Variants in DGKH observed in about 807,000 individuals in gnomAD.
DGKH encodes diacylglycerol kinase eta, also known as DAG kinase eta.
In DGKH, 90 loss-of-function variants were observed where a neutral mutation model predicts 159.3. The ratio of observed to expected loss-of-function variants is 0.57; its 90% CI spans 0.48 to 0.67. DGKH has a LOEUF of 0.67. Ranked by LOEUF, DGKH falls within the 30% of genes least tolerant of loss-of-function variation. The probability of loss-of-function intolerance (pLI) is 0.00; values close to 1 mark genes in which losing one functional copy is unlikely to be tolerated. For synonymous variants in DGKH, 536 were observed against 553.8 expected (o/e 0.97, Z 0.45); for missense variants, 1,181 against 1,506.1 (o/e 0.78, Z 3.57).
At chr13:42,228,573 T>C (rs1019422456) in intron 29 of DGKH, among the ~76,000 whole-genome samples, 4 of 151,224 alleles carry the variant, frequency 2.6e-5, no homozygotes, top group African/African-American at 7.3e-5. Context: ...CCGCATCATT[T>C]TTTTCTCAGA....
At chr13:42,079,474 A>G (rs574744203) in intron 1 of DGKH, among the ~76,000 whole-genome samples, 68 of 152,044 alleles carry the variant, frequency 4.5e-4, no homozygotes, top group Non-Finnish European at 8.4e-4. Context: ...TCGCCCCTCC[A>G]AGCCTCCGTT....
chr13:42,043,011 G>C (rs935832594), intron 1 of DGKH, among the ~76,000 whole-genome samples: 3 of 152,156 alleles, frequency 2.0e-5, no homozygotes, highest in African/African-American at 4.8e-5. Context: ...AGGGGAAAAG[G>C]GGGTGGAGAG....
chr13:42,140,345 G>C (rs527886511), intron 3 of DGKH: 1 of 152,732 alleles, frequency 6.5e-6, no homozygotes, highest in African/African-American at 2.4e-5. Flanking sequence ...GCTGCCTCCT[G>C]GTCTTGGGGC....
At chr13:42,149,178 G>A (rs1282780114) in intron 3 of DGKH, among the ~76,000 whole-genome samples, 4 of 151,938 alleles carry the variant, frequency 2.6e-5, no homozygotes, top group Non-Finnish European at 5.9e-5. Flanking sequence ...GTCTTCCCAC[G>A]TTGGCCTCCT....
chr13:42,105,167 A>G (rs1954723975), intron 1 of DGKH, among the ~76,000 whole-genome samples: 1 of 152,174 alleles, frequency 6.6e-6, no homozygotes, highest in Admixed American at 6.5e-5. Flanking sequence ...GAGGCTGGGA[A>G]GTCCAGTATC....
At chr13:42,226,188 G>GA (rs1481384854) in intron 29 of DGKH, among the ~76,000 whole-genome samples, 1 of 151,882 alleles carries the variant, frequency 6.6e-6, no homozygotes, top group Admixed American at 6.6e-5. Flanking sequence ...ACAAACATAT[G>GA]AAAAAAAAGT....
In DGKH at chr13:42,174,182, G is replaced by T. The variant is rs767502385; in HGVS notation, c.1452+38G>T. ...CCTTTACCTATCATTTGAAATGGGGGTGGATATCTTGAGAAAAAAAAAAGA... is the reference window on the plus strand; with the variant it reads ...CCTTTACCTATCATTTGAAATGGGGTTGGATATCTTGAGAAAAAAAAAAGA... On this transcript the variant is annotated intron_variant, in intron 12 of 29. Coordinates refer to ENST00000337343, the MANE Select transcript of DGKH (RefSeq NM_178009.5). 4.8e-6 allele frequency: 7 copies of T among 1,463,574 alleles called. 1 individual carries two copies. In the South Asian group the frequency reaches 8.4e-5, roughly 18 times the overall value. The allele number at this position is 1,463,574 out of a possible 1,614,324, so 90.7% of individuals were successfully genotyped here.
At chr13:42,079,678 A>T (rs1954164691) in intron 1 of DGKH, among the ~76,000 whole-genome samples, 1 of 151,996 alleles carries the variant, frequency 6.6e-6, no homozygotes, top group South Asian at 2.1e-4. Context: ...GTCCCCTCCC[A>T]CCACCTCCTA....
chr13:42,071,117 T>C, intron 1 of DGKH: 1 of 831,874 alleles, frequency 1.2e-6, no homozygotes, highest in Non-Finnish European at 1.8e-6. Flanking sequence ...TGATTGCCTT[T>C]TCCTTTGGAA....
At chr13:42,223,033 C>T (rs1958024691) in intron 29 of DGKH, among the ~76,000 whole-genome samples, 1 of 152,162 alleles carries the variant, frequency 6.6e-6, no homozygotes, top group Non-Finnish European at 1.5e-5. Flanking sequence ...ATGCAAATTA[C>T]ATTCTCTCTC....
intron 1 of DGKH, among the ~76,000 whole-genome samples, chr13:42,074,323 C>A (rs1326611379): frequency 6.6e-6 from 1 of 152,192 alleles, no homozygotes; most frequent in Non-Finnish European, 1.5e-5. Flanking sequence ...CTTACAGCTT[C>A]ATGTCTTCTG....
chr13:42,129,904 A>T (rs1438670813), intron 3 of DGKH, among the ~76,000 whole-genome samples: 3 of 152,214 alleles, frequency 2.0e-5, no homozygotes, highest in Non-Finnish European at 4.4e-5. Flanking sequence ...CTAAATTAAT[A>T]CTTCAATTAA....
At chr13:42,058,526 A>C (rs1418443490) in intron 1 of DGKH, among the ~76,000 whole-genome samples, 2 of 152,200 alleles carry the variant, frequency 1.3e-5, no homozygotes, top group African/African-American at 4.8e-5. Flanking sequence ...TAGAATAGCA[A>C]GGTTCCTGGA....
rs1346128136 is a variant in DGKH, at chr13:42,069,094, G to A, written c.192+20129G>A. 6.4e-6 allele frequency: 9 copies of A among 1,405,246 alleles called. No individual in the cohort carries two copies. In the Admixed American group the frequency reaches 1.5e-4, roughly 24 times the overall value. 87.0% of individuals were successfully genotyped at this position (1,405,246 alleles called of 1,614,324 possible). A position where few individuals can be genotyped will look rare whatever the true frequency, so the allele number is the denominator to read the frequency against. On this transcript the variant is annotated intron_variant, in intron 1 of 29. Coordinates refer to ENST00000337343, the MANE Select transcript of DGKH (RefSeq NM_178009.5). The stretch of plus-strand genomic sequence containing the variant: ...TGGGCTCGAGCTGCTTATTAAAGAG[G>A]AACTCCTCACTGTTGTTCAGAAATC...
At chr13:42,116,095 A>G (rs1954963803) in intron 1 of DGKH, among the ~76,000 whole-genome samples, 2 of 152,212 alleles carry the variant, frequency 1.3e-5, no homozygotes, top group South Asian at 2.1e-4. Context: ...ATCATAGCAC[A>G]TAGTGATATG....
chr13:42,077,428 A>G (rs1012205695), intron 1 of DGKH, among the ~76,000 whole-genome samples: 3 of 152,186 alleles, frequency 2.0e-5, no homozygotes, highest in African/African-American at 4.8e-5. Context: ...ATGAAGCTTT[A>G]CTATTGATTA....
In DGKH at chr13:42,185,973, T is replaced by A. The variant is rs1457699248; in HGVS notation, c.1539-1076T>A. Among the ~76,000 whole-genome samples, 3 of 148,124 alleles carry A rather than the reference T, an allele frequency of 2.0e-5. No homozygotes were observed. The East Asian group carries it at 5.9e-4, about 29-fold the overall frequency. On this transcript the variant is annotated intron_variant, in intron 13 of 29. Coordinates refer to ENST00000337343, the MANE Select transcript of DGKH (RefSeq NM_178009.5). ...AGGTGATAAATCTGAAGGTTGGTAGTGTGTGTGTCTGTTGGGGGAGGAGTG... is the reference window on the plus strand; with the variant it reads ...AGGTGATAAATCTGAAGGTTGGTAGAGTGTGTGTCTGTTGGGGGAGGAGTG...
At chr13:42,051,005 A>G (rs1881244676) in intron 1 of DGKH, among the ~76,000 whole-genome samples, 1 of 152,242 alleles carries the variant, frequency 6.6e-6, no homozygotes, top group Admixed American at 6.5e-5. Flanking sequence ...GAATTGAATC[A>G]TGTCAAACAA....
chr13:42,226,856 C>CAA (rs71202214), intron 29 of DGKH, among the ~76,000 whole-genome samples: 89 of 132,838 alleles, frequency 6.7e-4, no homozygotes, highest in Middle Eastern at 7.9e-3. Context: ...GACTCTGTCT[C>CAA]AAAAAAAAAA....
Sources: allele counts gnomAD v4.1 joint callset (sites outside exome capture counted in the v4.1 genomes callset), GRCh38; gene constraint gnomAD v4.1.1; transcripts MANE v1.5; gene names NCBI Gene and HGNC (gene_info 2026-07-23, HGNC 2026-07-21).